TTC7B: variants seen among roughly 807,000 people sequenced by gnomAD.
TTC7B encodes tetratricopeptide repeat domain 7B, also known as tetratricopeptide repeat protein 7B.
In TTC7B, 28 loss-of-function variants were observed where a neutral mutation model predicts 106.8. That is an observed-to-expected ratio of 0.26 (90% confidence interval 0.19 to 0.36). The LOEUF is 0.36. Among genes scored for constraint, TTC7B ranks in the 10% least tolerant of loss-of-function variants. TTC7B has a pLI of 1.00. For synonymous variants in TTC7B, 405 were observed against 430.6 expected, an observed-to-expected ratio of 0.94 and a Z score of 0.74; for missense variants, 862 against 1,076.4, an observed-to-expected ratio of 0.80 and a Z score of 2.79.
chr14:90,652,883 A>C lies in TTC7B; in HGVS notation c.1475T>G (p.Met492Arg), dbSNP rs1288244990. The C allele has an allele frequency of 6.2e-7, 1 of 1,614,140 alleles. No homozygotes were observed. Among genetic ancestry groups the C allele is most frequent in the East Asian group, 2.2e-5 (1 of 44,902 alleles). The change falls in exon 13 of 20, where the codon ATG (methionine) becomes AGG (arginine). Residue 492 changes from methionine (M) to arginine (R), a missense_variant. By Grantham distance (91) the Met-to-Arg change is moderately conservative. Coordinates refer to ENST00000328459, the MANE Select transcript of TTC7B (RefSeq NM_001010854.2). ...LQATDASLRG[M>R]QEVLQRKALL... Reference sequence around the variant, plus strand: ...CGCCTTTCTCTGTAGGACCTCCTGCATCCCTCGCAAAGAAGCTAAGAAAAG... The same window carrying C: ...CGCCTTTCTCTGTAGGACCTCCTGCCTCCCTCGCAAAGAAGCTAAGAAAAG...
intron 17 of TTC7B, among the ~76,000 whole-genome samples, chr14:90,597,431 G>T (rs1892249938): frequency 6.6e-6 from 1 of 152,208 alleles, no homozygotes; most frequent in Admixed American, 6.5e-5. Context: ...GCTGAGGCAG[G>T]CGGATCACCT....
At chr14:90,580,482 C>G (rs541833900) in intron 18 of TTC7B, among the ~76,000 whole-genome samples, 1 of 152,204 alleles carries the variant, frequency 6.6e-6, no homozygotes, top group African/African-American at 2.4e-5. Flanking sequence ...GCTTGCAGCC[C>G]CCACAGAGAA....
chr14:90,702,047 G>C (rs1888013509), intron 5 of TTC7B, among the ~76,000 whole-genome samples: 1 of 151,876 alleles, frequency 6.6e-6, no homozygotes. Flanking sequence ...CCTTCACCCG[G>C]GAATCCATAT....
chr14:90,546,204 C>T (rs983257370), intron 19 of TTC7B, among the ~76,000 whole-genome samples: 1 of 152,234 alleles, frequency 6.6e-6, no homozygotes. Flanking sequence ...TGGGCAGGGA[C>T]CTGGCTGTGT....
chr14:90,775,221 C>T (rs1890988319), intron 3 of TTC7B, among the ~76,000 whole-genome samples: 2 of 152,028 alleles, frequency 1.3e-5, no homozygotes, highest in African/African-American at 2.4e-5. Context: ...CTGAAGAGGC[C>T]AATCATTTGT....
intron 3 of TTC7B, among the ~76,000 whole-genome samples, chr14:90,747,332 T>C (rs553311862): frequency 1.1e-4 from 17 of 152,368 alleles, no homozygotes; most frequent in Non-Finnish European, 2.5e-4. Context: ...GAGCCTGGTC[T>C]CTCCTGAATT....
At chr14:90,660,395 C>CAAAAAAAAAAAAAAAAAAAAAAA (rs57030874) in intron 9 of TTC7B, among the ~76,000 whole-genome samples, 15 of 40,896 alleles carry the variant, frequency 3.7e-4, no homozygotes, top group Admixed American at 1.2e-3. Flanking sequence ...CACCCTGTCT[C>CAAAAAAAAAAAAAAAAAAAAAAA]AAAAAAAAAA....
intron 1 of TTC7B, among the ~76,000 whole-genome samples, chr14:90,812,937 C>G (rs1024008117): frequency 1.3e-5 from 2 of 152,194 alleles, no homozygotes; most frequent in African/African-American, 4.8e-5. Flanking sequence ...GCTTCCTTCC[C>G]GTAAGGAGCT....
intron 15 of TTC7B, among the ~76,000 whole-genome samples, chr14:90,633,176 G>A (rs1173365128): frequency 6.6e-6 from 1 of 152,190 alleles, no homozygotes; most frequent in African/African-American, 2.4e-5. Context: ...TGTGCATACA[G>A]CATCATGATC....
At chr14:90,564,869 C>T (rs1890724460) in intron 19 of TTC7B, among the ~76,000 whole-genome samples, 1 of 152,184 alleles carries the variant, frequency 6.6e-6, no homozygotes, top group South Asian at 2.1e-4. Context: ...TATGACTGCG[C>T]TGCTGCACTC....
At chr14:90,593,738 T>C in intron 17 of TTC7B, 112 bp from the exon 18 acceptor site, 1 of 1,115,264 alleles carries the variant, frequency 9.0e-7, no homozygotes, top group Non-Finnish European at 1.2e-6. Context: ...CCCCATGATG[T>C]TTCTAAGATT....
chr14:90,619,614 C>G (rs1479554354), intron 15 of TTC7B, among the ~76,000 whole-genome samples: 2 of 152,230 alleles, frequency 1.3e-5, no homozygotes, highest in Non-Finnish European at 2.9e-5. Context: ...AGGCATCCCA[C>G]GTGCCAGGCC....
intron 17 of TTC7B, among the ~76,000 whole-genome samples, chr14:90,598,965 T>G (rs1300903702): frequency 6.6e-6 from 1 of 151,972 alleles, no homozygotes; most frequent in Non-Finnish European, 1.5e-5. Context: ...CTGGCCAACA[T>G]GGTGAAACCC....
At position 90,777,596 on chromosome 14, in the gene TTC7B, T is replaced by C. The variant is rs1158344411; in HGVS notation, c.445+3142A>G. On this transcript the variant is annotated intron_variant, in intron 3 of 19. Coordinates refer to ENST00000328459, the MANE Select transcript of TTC7B (RefSeq NM_001010854.2). Reference sequence around the variant, plus strand: ...TGAGGTGACAAAGTGTGCAGGTCAATTGCACTGCCTAGAGCAGTGTGCACA... The same window carrying C: ...TGAGGTGACAAAGTGTGCAGGTCAACTGCACTGCCTAGAGCAGTGTGCACA... Among the ~76,000 whole-genome samples, 8 of 152,234 alleles carry C rather than the reference T, an allele frequency of 5.3e-5. 1 individual carries two copies. The highest frequency in any genetic ancestry group is 3.4e-3 in the Middle Eastern group (1 of 294).
intron 1 of TTC7B, among the ~76,000 whole-genome samples, chr14:90,803,231 C>G (rs572561786): frequency 3.3e-5 from 5 of 152,302 alleles, no homozygotes; most frequent in African/African-American, 1.2e-4. Flanking sequence ...CCACTCTCCC[C>G]CCAAGTGAAG....
rs758744699 is a variant in TTC7B, at chr14:90,541,334, G to C, written c.*34C>G. On this transcript the variant is annotated 3_prime_UTR_variant, in exon 20 of 20. Coordinates refer to ENST00000328459, the MANE Select transcript of TTC7B (RefSeq NM_001010854.2). ...CCTGGTGCCCGGCAGGGCCTCTGAG[G>C]CCTGAGCGGCAGGTGAGGCTGGCAG... The C allele has an allele frequency of 2.1e-5, 33 of 1,564,940 alleles. No homozygotes were observed. In the Admixed American group the frequency reaches 5.9e-4, roughly 28 times the overall value.
intron 17 of TTC7B, chr14:90,605,724 T>C (rs1184689109): frequency 7.8e-7 from 1 of 1,284,350 alleles, no homozygotes; most frequent in Admixed American, 2.3e-5. Flanking sequence ...ATTCGGTTCT[T>C]GAAAGAGGAG....
At chr14:90,619,065 G>A (rs894620888) in intron 15 of TTC7B, among the ~76,000 whole-genome samples, 10 of 152,080 alleles carry the variant, frequency 6.6e-5, no homozygotes, top group Admixed American at 1.3e-4. Flanking sequence ...CACCACGTCC[G>A]GCTAATTTTT....
At chr14:90,743,331 A>G (rs573849469) in intron 4 of TTC7B, among the ~76,000 whole-genome samples, 33 of 152,182 alleles carry the variant, frequency 2.2e-4, no homozygotes, top group Non-Finnish European at 4.0e-4. Context: ...ATTCTGATGC[A>G]TATCATATGC....
Sources: gnomAD v4.1 joint callset for allele counts (sites outside exome capture counted in the v4.1 genomes callset) on GRCh38, gnomAD v4.1.1 for gene constraint, MANE v1.5 for transcripts, NCBI Gene and HGNC (gene_info 2026-07-23, HGNC 2026-07-21) for gene names.